The following RNF24 variants were observed in gnomAD, a reference collection of about 807,000 sequenced individuals.
RNF24 encodes the protein ring finger protein 24.
A neutral mutation model predicts 20.0 loss-of-function variants in RNF24; 14 were observed. The observed-to-expected ratio is 0.70, with a 90% confidence interval of 0.46 to 1.10. The LOEUF (loss-of-function observed/expected upper bound fraction) is 1.10. Among genes scored for constraint, RNF24 ranks in the 50% least tolerant of loss-of-function variants. RNF24 has a pLI of 0.00. For synonymous variants in RNF24, 45 were observed against 61.1 expected (o/e 0.74, Z 1.23); for missense variants, 124 against 177.6 (o/e 0.70, Z 1.71).
intron 1 of RNF24, among the ~76,000 whole-genome samples, chr20:3,982,245 C>T (rs193270386): frequency 2.2e-4 from 33 of 151,988 alleles, no homozygotes; most frequent in Admixed American, 2.0e-4. Context: ...TGTCCCCTCC[C>T]AAACTCCTCT....
At chr20:3,936,369 TAAGGACATG>T (rs2090891216) in intron 4 of RNF24, among the ~76,000 whole-genome samples, 1 of 152,164 alleles carries the variant, frequency 6.6e-6, no homozygotes, top group African/African-American at 2.4e-5. Flanking sequence ...ATCTGTACAA[TAAGGACATG>T]GCCTGTCCCA....
chr20:3,974,550 C>A, intron 1 of RNF24: 2 of 684,902 alleles, frequency 2.9e-6, no homozygotes, highest in Non-Finnish European at 4.3e-6. Context: ...TAAATGAGTT[C>A]AGCAAGGTTG....
chr20:3,953,671 C>T (rs1171241932), intron 2 of RNF24, among the ~76,000 whole-genome samples: 2 of 151,744 alleles, frequency 1.3e-5, no homozygotes, highest in African/African-American at 4.8e-5. Context: ...ACCATGTTGG[C>T]CAAGATGGTC....
chr20:4,009,441 G>A (rs1982254044), intron 1 of RNF24, among the ~76,000 whole-genome samples: 1 of 152,190 alleles, frequency 6.6e-6, no homozygotes, highest in African/African-American at 2.4e-5. Flanking sequence ...GGGGCATGAG[G>A]TATAGAAGAT....
intron 1 of RNF24, among the ~76,000 whole-genome samples, chr20:4,012,395 G>GGAC (rs1376982549): frequency 6.6e-6 from 1 of 151,196 alleles, no homozygotes; most frequent in Non-Finnish European, 1.5e-5. Flanking sequence ...CCAGCCTAGG[G>GGAC]GACAGGGTGA....
intron 3 of RNF24, 143 bp downstream of exon 3, chr20:3,948,094 A>G (rs2091041140): frequency 1.6e-6 from 1 of 633,158 alleles, no homozygotes; most frequent in African/African-American, 1.9e-5. Context: ...TGAAGTTGAT[A>G]TATTATACTG....
chr20:3,933,797 G>C lies in RNF24; in HGVS notation c.*266C>G. 3.4e-6 allele frequency: 1 copy of C among 291,708 alleles called. No individual in the cohort carries two copies. The highest frequency in any genetic ancestry group is 6.3e-6 in the Non-Finnish European group (1 of 158,064). 18.1% of individuals were successfully genotyped at this position (291,708 alleles called of 1,614,324 possible). The stretch of plus-strand genomic sequence containing the variant: ...CAGGAGAGAGAGTGTAATGGAGTTA[G>C]TAAGAGACCCTCATGAAGTTTCTTG... On this transcript the variant is annotated 3_prime_UTR_variant, in exon 6 of 6. Coordinates refer to ENST00000358395, the MANE Select transcript of RNF24 (RefSeq NM_001134337.3).
At chr20:3,964,688 AAT>A (rs1273602403) in intron 1 of RNF24, among the ~76,000 whole-genome samples, 1 of 152,026 alleles carries the variant, frequency 6.6e-6, no homozygotes, top group East Asian at 1.9e-4. Context: ...ACACCTAGCT[AAT>A]TTTTAAAAAT....
At chr20:3,988,247 C>A (rs1327472926) in intron 1 of RNF24, among the ~76,000 whole-genome samples, 1 of 151,932 alleles carries the variant, frequency 6.6e-6, no homozygotes, top group Non-Finnish European at 1.5e-5. Flanking sequence ...TTGCTTGAGC[C>A]CAGGAAGTCA....
intron 2 of RNF24, among the ~76,000 whole-genome samples, chr20:3,956,607 T>C (rs1356511591): frequency 6.6e-6 from 1 of 152,038 alleles, no homozygotes; most frequent in Non-Finnish European, 1.5e-5. Context: ...TTCATTGATA[T>C]CGTGCTTAGC....
chr20:4,003,633 C>CTT (rs377227990), intron 1 of RNF24, among the ~76,000 whole-genome samples: 25,146 of 83,516 alleles, frequency 0.3, 8,245 homozygotes, highest in Non-Finnish European at 0.38. Flanking sequence ...TTAGAAACTC[C>CTT]TTTTTTTTTT....
intron 1 of RNF24, among the ~76,000 whole-genome samples, 194 bp from the exon 2 acceptor site, chr20:3,964,218 T>C (rs939478183): frequency 6.6e-6 from 1 of 152,224 alleles, no homozygotes; most frequent in African/African-American, 2.4e-5. Flanking sequence ...CTGGCACTAT[T>C]TCAGAGACTG....
chr20:3,967,641 CTGTT>C (rs2146997029), intron 1 of RNF24, among the ~76,000 whole-genome samples: 1 of 152,276 alleles, frequency 6.6e-6, no homozygotes, highest in African/African-American at 2.4e-5. Flanking sequence ...AGACCAGTTC[CTGTT>C]CCCTGGACAA....
chr20:3,972,935 G>T (rs1190249757), intron 1 of RNF24, among the ~76,000 whole-genome samples: 1 of 151,642 alleles, frequency 6.6e-6, no homozygotes, highest in Non-Finnish European at 1.5e-5. Context: ...GGACGGGATG[G>T]CTCACGCCTG....
rs1034308496 is a variant in RNF24, at chr20:4,004,513, A to T, written c.-8+10924T>A. Among the ~76,000 whole-genome samples, 3 of 152,204 alleles carry T rather than the reference A, an allele frequency of 2.0e-5. No homozygotes were observed. In the East Asian group the frequency reaches 5.8e-4, roughly 29 times the overall value. ...AACCGACTTTATTTAAGAAAAAAAA[A>T]AGGGTCTTTGCAGATATAATTTAAG... On this transcript the variant is annotated intron_variant, in intron 1 of 5. Coordinates refer to ENST00000358395, the MANE Select transcript of RNF24 (RefSeq NM_001134337.3).
At chr20:3,964,714 T>C (rs1445403192) in intron 1 of RNF24, among the ~76,000 whole-genome samples, 2 of 152,068 alleles carry the variant, frequency 1.3e-5, no homozygotes, top group African/African-American at 4.8e-5. Context: ...TTTGTAGAGA[T>C]AGCATGTTGC....
intron 1 of RNF24, among the ~76,000 whole-genome samples, chr20:3,971,552 A>G (rs752057789): frequency 1.3e-5 from 2 of 152,210 alleles, no homozygotes; most frequent in Admixed American, 6.5e-5. Context: ...TTCTAAATGT[A>G]TTCAGAGGAA....
chr20:3,961,991 A>G (rs1305174166), intron 2 of RNF24, among the ~76,000 whole-genome samples: 2 of 152,200 alleles, frequency 1.3e-5, no homozygotes, highest in Admixed American at 6.5e-5. Context: ...ACATTTGTAT[A>G]AACACACAAA....
At chr20:3,993,072 T>A (rs1469948843) in intron 1 of RNF24, among the ~76,000 whole-genome samples, 1 of 152,210 alleles carries the variant, frequency 6.6e-6, no homozygotes, top group African/African-American at 2.4e-5. Flanking sequence ...AGAACCTTTT[T>A]TTTCCAAGTG....
Sources: allele counts gnomAD v4.1 joint callset (sites outside exome capture counted in the v4.1 genomes callset), GRCh38; gene constraint gnomAD v4.1.1; transcripts MANE v1.5; gene names NCBI Gene and HGNC (gene_info 2026-07-23, HGNC 2026-07-21).